HEATR1: variants seen among roughly 807,000 people sequenced by gnomAD.
The protein encoded by HEATR1 is HEAT repeat-containing protein 1.
Under a neutral mutation model 248.2 loss-of-function variants are expected in HEATR1, and 77 were observed. The ratio of observed to expected loss-of-function variants is 0.31; its 90% confidence interval spans 0.26 to 0.37. The LOEUF is 0.37. HEATR1 is among the 10% of genes least tolerant of loss of function. The pLI is 1.00. For synonymous variants in HEATR1, 897 were observed against 923.1 expected (o/e 0.97, Z 0.51); for missense variants, 2,420 against 2,504.9 (o/e 0.97, Z 0.72).
chr1:236,574,881 G>A lies in HEATR1; in HGVS notation c.3107C>T (p.Pro1036Leu), dbSNP rs200561440. The change falls in exon 23 of 45, where the codon CCT becomes CTT. Residue 1036 changes from proline to leucine, a missense_variant. Physicochemically the swap from Pro to Leu is moderately conservative, Grantham distance 98 (BLOSUM62 -3). Transcript: ENST00000366582. ...CTTTTCTAGCAGTTGTTCAGCCATA[G>A]GCAATAGCTGAGAAAGCACCATCTA... ...NGEMVLSQLL[P>L]MAEQLLEKIQ... is the part of the protein sequence containing the mutation. The A allele has an allele frequency of 2.5e-6, 4 of 1,613,194 alleles. No individual in the cohort carries two copies. The Admixed American group carries it at 6.7e-5, about 27-fold the overall frequency.
chr1:236,570,499 G>A (rs1156909743), intron 28 of HEATR1, among the ~76,000 whole-genome samples: 5 of 152,036 alleles, frequency 3.3e-5, no homozygotes, highest in Non-Finnish European at 7.4e-5. Context: ...CAGGGAGGAG[G>A]GAGAGGAAGA....
rs1171516311 is a variant in HEATR1 at position 236,550,723 on chromosome 1, G to C, written c.*179C>G. 13 of 538,642 alleles carry C rather than the reference G, an allele frequency of 2.4e-5. No homozygotes were observed. The highest frequency in any genetic ancestry group is 1.5e-4 in the Admixed American group (4 of 27,474). 33.4% of individuals were successfully genotyped at this position (538,642 alleles called of 1,614,324 possible). ...CTGCAGCTCTATACGATAGGCAGGA[G>C]AGGCTTATGTGGCAGCACAAGCCAG... is the stretch of plus-strand genomic sequence containing the variant. On this transcript the variant is annotated 3_prime_UTR_variant, in exon 45 of 45. Transcript: ENST00000366582.
In HEATR1 at chr1:236,553,662, A is replaced by C. The variant is rs571460036; in HGVS notation, c.6156T>G (p.Phe2052Leu). The change falls in exon 43 of 45, where the codon TTT becomes TTG. Residue 2052 changes from phenylalanine to leucine, a missense_variant. Transcript: ENST00000366582. ...GAGAGTCATCCGCCATGGCCACCGA[A>C]AACTGTGCGATGCATGGTATCAGGT... ...TKHLIPCIAQ[F>L]SVAMADDSLW... 10 of 1,614,112 alleles carry C rather than the reference A, an allele frequency of 6.2e-6. No individual in the cohort carries two copies. The African/African-American group carries it at 1.3e-4, about 22-fold the overall frequency.
chr1:236,595,693 C>T lies in HEATR1; in HGVS notation c.957-20G>A. The T allele has an allele frequency of 1.9e-6, 3 of 1,604,362 alleles. No homozygotes were observed. Among genetic ancestry groups the T allele is most frequent in the Non-Finnish European group, 2.6e-6 (3 of 1,173,924 alleles). On this transcript the variant is annotated intron_variant, in intron 7 of 44. Transcript: ENST00000366582. ...AATGGCCTTTGAAGAAGCAAAAGTA[C>T]ATATCGTGTTGACTTTACAAGTTAG...
At chr1:236,572,292 C>T (rs1247693263) in intron 26 of HEATR1, 119 bp downstream of exon 26, 3 of 1,167,812 alleles carry the variant, frequency 2.6e-6, no homozygotes, top group Non-Finnish European at 3.7e-6. Context: ...ACCTATAGTA[C>T]TTGCTTTATT....
intron 20 of HEATR1, among the ~76,000 whole-genome samples, chr1:236,580,692 T>C (rs935571879): frequency 2.6e-5 from 4 of 151,904 alleles, no homozygotes; most frequent in Admixed American, 6.6e-5. Context: ...AATTTTTGTA[T>C]TTTTTGTAGA....
intron 36 of HEATR1, 136 bp downstream of exon 36, chr1:236,558,101 G>A: frequency 2.0e-6 from 2 of 983,930 alleles, no homozygotes; most frequent in Non-Finnish European, 1.5e-6. Context: ...ACCACACCCT[G>A]CAAGATCAAT....
In HEATR1 at chr1:236,590,852, A is replaced by G; in HGVS notation, c.1525T>C (p.Ser509Pro). The part of the protein sequence containing the change: ...MNHLKKIMKT[S>P]KEGVDESFIK... ...AAAAGCGATCTGAAACAAACCTTTG[A>G]TGTTTTCATGATCTTTTTCAAATGA... The change falls in exon 12 of 45, where the codon TCA (serine) becomes CCA (proline). Residue 509 changes from serine (S) to proline (P), a missense_variant. By Grantham distance (74) the Ser-to-Pro change is moderately conservative. Coordinates refer to ENST00000366582, the MANE Select transcript of HEATR1 (RefSeq NM_018072.6). 1.4e-6 allele frequency: 2 copies of G among 1,463,782 alleles called. No individual in the cohort carries two copies. The highest frequency in any genetic ancestry group is 9.2e-7 in the Non-Finnish European group (1 of 1,090,078). The allele number at this position is 1,463,782 out of a possible 1,614,324, so 90.7% of individuals were successfully genotyped here.
intron 20 of HEATR1, among the ~76,000 whole-genome samples, 169 bp from the exon 21 acceptor site, chr1:236,577,118 A>T (rs2103138332): frequency 1.4e-5 from 2 of 144,644 alleles, no homozygotes; most frequent in East Asian, 4.1e-4. Context: ...GGCATATGTT[A>T]CCTGGTGCAT....
At chr1:236,572,609 T>G in intron 25 of HEATR1, 55 bp from the exon 26 acceptor site, 2 of 1,608,458 alleles carry the variant, frequency 1.2e-6, no homozygotes, top group Admixed American at 1.7e-5. Flanking sequence ...ATGTGCTAAG[T>G]AAAAACCATT....
rs867190230 is a variant in HEATR1, at chr1:236,600,293, A to T, written c.360-669T>A. On this transcript the variant is annotated intron_variant, in intron 3 of 44. Coordinates refer to ENST00000366582, the MANE Select transcript of HEATR1 (RefSeq NM_018072.6). ...AAACTCATACCACCATGCCCAGCTAATTTTTTTTTTTTACTTTAGTAGAGA... is the reference window on the plus strand; with the variant it reads ...AAACTCATACCACCATGCCCAGCTATTTTTTTTTTTTTACTTTAGTAGAGA... Among the ~76,000 whole-genome samples, 216 of 143,752 alleles carry T rather than the reference A, an allele frequency of 1.5e-3. No individual in the cohort carries two copies. In the Middle Eastern group the frequency reaches 0.018, roughly 12 times the overall value. The allele number at this position is 143,752 out of a possible 152,430, so 94.3% of individuals were successfully genotyped here.
At chr1:236,566,925 C>T in intron 29 of HEATR1, 49 bp from the exon 30 acceptor site, 1 of 1,277,044 alleles carries the variant, frequency 7.8e-7, no homozygotes, top group Non-Finnish European at 1.1e-6. Flanking sequence ...TAATCTTCCA[C>T]AAAACAAGTT....
rs367739362 is a variant in HEATR1 at position 236,587,476 on chromosome 1, G to C, written c.1641C>G (p.His547Gln). 2.8e-5 allele frequency: 42 copies of C among 1,514,218 alleles called. No homozygotes were observed. Among genetic ancestry groups the C allele is most frequent in the Non-Finnish European group, 3.2e-5 (36 of 1,122,912 alleles). The allele number at this position is 1,514,218 out of a possible 1,614,324, so 93.8% of individuals were successfully genotyped here. The change falls in exon 14 of 45, where the codon CAC becomes CAG. Residue 547 changes from histidine (H) to glutamine (Q), a missense_variant. By Grantham distance (24) the His-to-Gln change is conservative. Transcript: ENST00000366582. ...TTGAAATCGTCACTTCTGAACTGAAGTGTTCTTTGAAAATCTAAAGGGAAA... is the reference window on the plus strand; with the variant it reads ...TTGAAATCGTCACTTCTGAACTGAACTGTTCTTTGAAAATCTAAAGGGAAA... ...AISAFEIFKE[H>Q]FSSEVTISNL...
chr1:236,572,032 G>A (rs942699462), intron 26 of HEATR1, among the ~76,000 whole-genome samples: 10 of 151,834 alleles, frequency 6.6e-5, no homozygotes, highest in Admixed American at 3.9e-4. Flanking sequence ...ACAAATCTAC[G>A]TATATAGAAT....
intron 38 of HEATR1, 64 bp downstream of exon 38, chr1:236,556,036 A>G (rs1662966180): frequency 6.2e-7 from 1 of 1,606,718 alleles, no homozygotes; most frequent in Admixed American, 1.7e-5. Flanking sequence ...CTTTAAGTCA[A>G]AGTTTACACA....
chr1:236,559,162 G>A (rs761541232), intron 34 of HEATR1, 27 bp from the exon 35 acceptor site: 1 of 1,514,688 alleles, frequency 6.6e-7, no homozygotes, highest in Non-Finnish European at 8.8e-7. Flanking sequence ...TATTTAACAT[G>A]AAAAGAAAAA....
At position 236,566,040 on chromosome 1, in the gene HEATR1, A is replaced by G. The variant is rs944226864; in HGVS notation, c.4314T>C (p.Ala1438=). 1.2e-6 allele frequency: 2 copies of G among 1,613,336 alleles called. No individual in the cohort carries two copies. Among genetic ancestry groups the G allele is most frequent in the Non-Finnish European group, 1.7e-6 (2 of 1,179,766 alleles). ...AAAATTCAGTGTCTGCTTCTAAAATAGCATCCTGTGTAGAAAAAGAAAAAG... is the reference window on the plus strand; with the variant it reads ...AAAATTCAGTGTCTGCTTCTAAAATGGCATCCTGTGTAGAAAAAGAAAAAG... ...VLAAAYGEKD[A]ILEADTEFWF... Residue 1438 remains alanine, a synonymous_variant, in exon 31 of 45, where the codon GCT becomes GCC. Coordinates refer to ENST00000366582, the MANE Select transcript of HEATR1 (RefSeq NM_018072.6).
chr1:236,567,755 C>G (rs1475858211), intron 29 of HEATR1, among the ~76,000 whole-genome samples: 6 of 152,204 alleles, frequency 3.9e-5, no homozygotes, highest in African/African-American at 2.4e-5. Flanking sequence ...TAACAGGAGG[C>G]AGTAATGGCA....
chr1:236,568,049 A>G (rs534459505), intron 29 of HEATR1, among the ~76,000 whole-genome samples: 1 of 152,240 alleles, frequency 6.6e-6, no homozygotes, highest in Non-Finnish European at 1.5e-5. Context: ...CTCTCCATCA[A>G]TCAATCACCA....
Sources: allele counts gnomAD v4.1 joint callset (sites outside exome capture counted in the v4.1 genomes callset), GRCh38; gene constraint gnomAD v4.1.1; transcripts MANE v1.5; gene names NCBI Gene and HGNC (gene_info 2026-07-23, HGNC 2026-07-21).